Variants in ROBO2 observed in about 807,000 individuals in gnomAD.
ROBO2 encodes the protein roundabout guidance receptor 2.
ROBO2 carries 53 observed loss-of-function variants against 160.8 expected under a neutral mutation model. That is an observed-to-expected ratio of 0.33 (90% CI 0.26 to 0.41). ROBO2 has a LOEUF of 0.41. Ranked by LOEUF, ROBO2 falls within the 10% of genes least tolerant of loss-of-function variation. ROBO2 has a pLI of 1.00. For synonymous variants in ROBO2, 664 were observed against 611.7 expected (o/e 1.09, Z -1.26); for missense variants, 1,577 against 1,722.4 (o/e 0.92, Z 1.49).
At chr3:77,219,028 G>A (rs1427601721) in intron 2 of ROBO2, among the ~76,000 whole-genome samples, 3 of 152,204 alleles carry the variant, frequency 2.0e-5, no homozygotes, top group South Asian at 2.1e-4. Flanking sequence ...GATTGCAGTG[G>A]TGCAATCTCC....
intron 2 of ROBO2, among the ~76,000 whole-genome samples, chr3:77,267,731 C>T (rs140833982): frequency 1.7e-3 from 260 of 152,258 alleles, no homozygotes; most frequent in African/African-American, 6.1e-3. Context: ...AAAGTGCATG[C>T]AATTTGTGAG....
intron 21 of ROBO2, among the ~76,000 whole-genome samples, chr3:77,614,647 A>G (rs879309701): frequency 2.0e-5 from 3 of 152,208 alleles, no homozygotes. Context: ...TGAAGGAAGA[A>G]TCTTTGGAAT....
chr3:77,214,999 G>C (rs901158008), intron 2 of ROBO2, among the ~76,000 whole-genome samples: 4 of 152,090 alleles, frequency 2.6e-5, no homozygotes, highest in African/African-American at 9.7e-5. Flanking sequence ...CTTTCTCTCT[G>C]GCTGCCCTTA....
intron 2 of ROBO2, chr3:76,311,342 T>G (rs1342873525): frequency 2.6e-5 from 4 of 152,228 alleles, no homozygotes; most frequent in African/African-American, 4.8e-5. Flanking sequence ...TCTCTTCGTT[T>G]TGATGCTCTT....
At chr3:75,963,505 A>T (rs1163503883) in intron 2 of ROBO2, among the ~76,000 whole-genome samples, 6 of 151,824 alleles carry the variant, frequency 4.0e-5, no homozygotes, top group Non-Finnish European at 8.8e-5. Flanking sequence ...CTGTTTTTTT[A>T]AAATTGTCAT....
At chr3:76,393,653 A>T (rs2077270758) in intron 2 of ROBO2, among the ~76,000 whole-genome samples, 1 of 152,186 alleles carries the variant, frequency 6.6e-6, no homozygotes. Flanking sequence ...GTTGAACTTG[A>T]TAAGAGAAAT....
At chr3:76,773,844 T>A (rs2062065088) in intron 2 of ROBO2, among the ~76,000 whole-genome samples, 1 of 150,716 alleles carries the variant, frequency 6.6e-6, no homozygotes, top group South Asian at 2.1e-4. Flanking sequence ...ACAAAGAAAC[T>A]GGATTTATTT....
chr3:77,439,905 T>C (rs1425305267), intron 2 of ROBO2, among the ~76,000 whole-genome samples: 1 of 152,158 alleles, frequency 6.6e-6, no homozygotes. Context: ...GGTTTTTAAT[T>C]AAGTTAAACA....
At chr3:76,534,206 G>A (rs1409952506) in intron 2 of ROBO2, among the ~76,000 whole-genome samples, 2 of 152,034 alleles carry the variant, frequency 1.3e-5, no homozygotes, top group Non-Finnish European at 2.9e-5. Context: ...TTTAAAATGA[G>A]TTAATTTAGT....
intron 2 of ROBO2, among the ~76,000 whole-genome samples, chr3:76,784,147 A>G (rs554913976): frequency 2.0e-5 from 3 of 151,132 alleles, no homozygotes; most frequent in Non-Finnish European, 4.4e-5. Context: ...ATTTTATTTT[A>G]TGGCAATATT....
intron 2 of ROBO2, among the ~76,000 whole-genome samples, chr3:76,518,344 G>T (rs9863351): frequency 0.018 from 2,723 of 152,084 alleles, 76 homozygotes; most frequent in African/African-American, 0.059. Context: ...TAGGTATGAT[G>T]TTTTGGGGGT....
At chr3:76,446,377 A>G (rs1193842102) in intron 2 of ROBO2, among the ~76,000 whole-genome samples, 1 of 152,206 alleles carries the variant, frequency 6.6e-6, no homozygotes, top group East Asian at 1.9e-4. Flanking sequence ...ATCACTGCTC[A>G]ACGAAATAGA....
At chr3:76,174,057 A>G (rs552203411) in intron 2 of ROBO2, among the ~76,000 whole-genome samples, 141 of 152,238 alleles carry the variant, frequency 9.3e-4, no homozygotes, top group Non-Finnish European at 1.7e-3. Context: ...TCACCATTCT[A>G]ACTGGCATGA....
intron 2 of ROBO2, among the ~76,000 whole-genome samples, chr3:77,148,097 A>C (rs2077256332): frequency 6.6e-6 from 1 of 152,256 alleles, no homozygotes; most frequent in African/African-American, 2.4e-5. Flanking sequence ...TCATTTAAAT[A>C]AGAATGGATA....
At chr3:76,475,110 C>CG (rs200496810) in intron 2 of ROBO2, among the ~76,000 whole-genome samples, 7 of 145,804 alleles carry the variant, frequency 4.8e-5, no homozygotes, top group African/African-American at 1.1e-4. Context: ...TAATATAGCA[C>CG]GGGGGAAAAA....
chr3:76,822,254 G>A (rs966413274), intron 2 of ROBO2, among the ~76,000 whole-genome samples: 2 of 151,958 alleles, frequency 1.3e-5, no homozygotes, highest in South Asian at 4.1e-4. Flanking sequence ...GCAGGGCAAT[G>A]CCTACTTAGT....
At chr3:76,408,912 T>G (rs1194151814) in intron 2 of ROBO2, among the ~76,000 whole-genome samples, 1 of 152,074 alleles carries the variant, frequency 6.6e-6, no homozygotes. Context: ...TAGCTATTCA[T>G]GCACTTTGTC....
At chr3:77,221,166 C>A (rs1326732587) in intron 2 of ROBO2, among the ~76,000 whole-genome samples, 1 of 152,128 alleles carries the variant, frequency 6.6e-6, no homozygotes, top group East Asian at 1.9e-4. Context: ...TGGTTCATAC[C>A]TCTGCTGCAC....
At chr3:77,402,869 A>T (rs962756041) in intron 2 of ROBO2, among the ~76,000 whole-genome samples, 1 of 151,958 alleles carries the variant, frequency 6.6e-6, no homozygotes, top group Non-Finnish European at 1.5e-5. Flanking sequence ...CCCTCTTACA[A>T]GTGTACTTTA....
Sources: gnomAD v4.1 joint callset for allele counts (sites outside exome capture counted in the v4.1 genomes callset) on GRCh38, gnomAD v4.1.1 for gene constraint, MANE v1.5 for transcripts, NCBI Gene and HGNC (gene_info 2026-07-23, HGNC 2026-07-21) for gene names.